TMC7: variants seen among roughly 807,000 people sequenced by gnomAD.
The protein encoded by TMC7 is transmembrane channel like 7, also known as transmembrane channel-like protein 7.
Under a neutral mutation model 82.9 loss-of-function variants are expected in TMC7, and 54 were observed. That is an observed-to-expected ratio of 0.65 (90% confidence interval 0.52 to 0.82). The LOEUF (loss-of-function observed/expected upper bound fraction) is 0.82, where lower values mean the gene tolerates loss of function less well. TMC7 is among the 40% of genes least tolerant of loss of function. The probability of loss-of-function intolerance (pLI) is 0.00; values close to 1 mark genes in which losing one functional copy is unlikely to be tolerated. For synonymous variants in TMC7, 350 were observed against 337.9 expected (o/e 1.04, Z -0.39); for missense variants, 820 against 901.2 (o/e 0.91, Z 1.15).
intron 11 of TMC7, among the ~76,000 whole-genome samples, chr16:19,046,312 T>C (rs1350745260): frequency 6.6e-6 from 1 of 152,166 alleles, no homozygotes; most frequent in Non-Finnish European, 1.5e-5. Flanking sequence ...GGGATAGTAG[T>C]AGTACCCACC....
At chr16:19,039,239 C>T (rs1030378149) in intron 8 of TMC7, among the ~76,000 whole-genome samples, 1 of 151,860 alleles carries the variant, frequency 6.6e-6, no homozygotes, top group African/African-American at 2.4e-5. Flanking sequence ...TACAGGCACC[C>T]GCCAACACAC....
At position 19,013,469 on chromosome 16, in the gene TMC7, G is replaced by A. The variant is rs554320400; in HGVS notation, c.312-2981G>A. Among the ~76,000 whole-genome samples, 159 of 152,110 alleles carry A rather than the reference G, an allele frequency of 1.0e-3. 1 individual carries two copies. Among genetic ancestry groups the A allele is most frequent in the Non-Finnish European group, 2.0e-3 (136 of 68,006 alleles). On this transcript the variant is annotated intron_variant, in intron 2 of 15. Coordinates refer to ENST00000304381, the MANE Select transcript of TMC7 (RefSeq NM_024847.4). Reference sequence around the variant, plus strand: ...CGACCTCAGGTGATCCGCCTGCCTCGGCCTCCCAAAGTCCTGGGATTACAG... The same window carrying A: ...CGACCTCAGGTGATCCGCCTGCCTCAGCCTCCCAAAGTCCTGGGATTACAG...
At chr16:19,018,346 C>G (rs1567512300) in intron 3 of TMC7, among the ~76,000 whole-genome samples, 1 of 152,164 alleles carries the variant, frequency 6.6e-6, no homozygotes, top group Non-Finnish European at 1.5e-5. Flanking sequence ...GCTTAAAAAA[C>G]AGAAACTTTT....
In TMC7 at chr16:19,021,407, G is replaced by A. The variant is rs190521931; in HGVS notation, c.461-222G>A. Among the ~76,000 whole-genome samples the A allele has an allele frequency of 2.7e-4, 41 of 152,314 alleles. No homozygotes were observed. In the East Asian group the frequency reaches 6.4e-3, roughly 24 times the overall value. On this transcript the variant is annotated intron_variant, in intron 3 of 15. Coordinates refer to ENST00000304381, the MANE Select transcript of TMC7 (RefSeq NM_024847.4). ...ATAAATATTGAGCCCTCCCTCATAC[G>A]ATTCTCAAGTGATTAATTCAAGATT...
chr16:19,002,473 G>A (rs1044020924), intron 1 of TMC7, among the ~76,000 whole-genome samples: 1 of 151,920 alleles, frequency 6.6e-6, no homozygotes, highest in Non-Finnish European at 1.5e-5. Flanking sequence ...CTGACCTCAG[G>A]TAATCCACCC....
intron 2 of TMC7, among the ~76,000 whole-genome samples, chr16:19,011,496 C>G (rs1439021634): frequency 7.5e-6 from 1 of 132,630 alleles, no homozygotes; most frequent in Non-Finnish European, 1.6e-5. Context: ...TAGCAAGACC[C>G]TGTCTTTACA....
chr16:19,016,598 G>T lies in TMC7; in HGVS notation c.460G>T (p.Gly154Trp). 1 of 1,613,094 alleles carries T rather than the reference G, an allele frequency of 6.2e-7. No homozygotes were observed. Among genetic ancestry groups the T allele is most frequent in the Non-Finnish European group, 8.5e-7 (1 of 1,179,878 alleles). Residue 154 changes from glycine to tryptophan, a missense_variant and splice_region_variant, in exon 3 of 16, where the codon GGG becomes TGG. By Grantham distance (184) the Gly-to-Trp change is radical (BLOSUM62 -2). This residue lies in a region of TMC7 where 650 missense variants were observed against 669.9 expected (regional missense o/e 0.97). Coordinates refer to ENST00000304381, the MANE Select transcript of TMC7 (RefSeq NM_024847.4). ...LWREDIRSIEGKFGTGIQSYF... is the reference protein window; with the variant it reads ...LWREDIRSIEWKFGTGIQSYF... ...GCGGGAGGACATCCGCAGCATAGAA[G>T]GTATGCTGTCCTCACCTCTCTGCAG...
intron 1 of TMC7, among the ~76,000 whole-genome samples, chr16:18,999,338 T>G (rs529205650): frequency 4.8e-4 from 73 of 152,318 alleles, no homozygotes; most frequent in Non-Finnish European, 6.5e-4. Context: ...ATGTGGCCAG[T>G]GGCCACTGTA....
Position 19,040,315 on chromosome 16 carries a change from G to A in TMC7, c.1206G>A (p.Glu402=), listed in dbSNP as rs529696735. ...AAATCGACAAGATGGTTTTTGGAGA[G>A]AACCTCTTCATATTGTATCTACCGT... ...KKEIDKMVFG[E]NLFILYLPSI... The change falls in exon 9 of 16, where the codon GAG becomes GAA. Residue 402 remains glutamate (E), a synonymous_variant. Coordinates refer to ENST00000304381, the MANE Select transcript of TMC7 (RefSeq NM_024847.4). 3 of 1,613,570 alleles carry A rather than the reference G, an allele frequency of 1.9e-6. No individual in the cohort carries two copies. The East Asian group carries it at 6.7e-5, about 36-fold the overall frequency.
rs1961924916 is a variant in TMC7, at chr16:19,059,750, G to C, written c.2106+256G>C. On this transcript the variant is annotated intron_variant, in intron 15 of 15. Coordinates refer to ENST00000304381, the MANE Select transcript of TMC7 (RefSeq NM_024847.4). Reference sequence around the variant, plus strand: ...CAGCACTTTTGGGAGGCCGAGGCAGGCAGATTACTTGAGCTCAGGAGTTCA... The same window carrying C: ...CAGCACTTTTGGGAGGCCGAGGCAGCCAGATTACTTGAGCTCAGGAGTTCA... The C allele has an allele frequency of 2.2e-6, 3 of 1,378,788 alleles. No individual in the cohort carries two copies. The East Asian group carries it at 7.5e-5, about 35-fold the overall frequency. The allele number at this position is 1,378,788 out of a possible 1,614,324, so 85.4% of individuals were successfully genotyped here. A position where few individuals can be genotyped will look rare whatever the true frequency, so the allele number is the denominator to read the frequency against.
chr16:18,992,043 G>A (rs1478676802), intron 1 of TMC7, among the ~76,000 whole-genome samples: 1 of 152,156 alleles, frequency 6.6e-6, no homozygotes, highest in African/African-American at 2.4e-5. Context: ...CGTGAATAGT[G>A]CCACGATAAA....
intron 2 of TMC7, among the ~76,000 whole-genome samples, chr16:19,015,367 T>C (rs1596744890): frequency 6.6e-6 from 1 of 151,738 alleles, no homozygotes; most frequent in South Asian, 2.1e-4. Context: ...GCTCAAGCAA[T>C]CCTCCTGCCT....
chr16:18,985,410 C>T (rs535652141), intron 1 of TMC7, among the ~76,000 whole-genome samples: 10 of 152,122 alleles, frequency 6.6e-5, no homozygotes, highest in South Asian at 4.1e-4. Context: ...GGATTCAATG[C>T]GAATTATTTT....
intron 1 of TMC7, among the ~76,000 whole-genome samples, chr16:19,004,978 A>T (rs1419203222): frequency 2.0e-5 from 3 of 151,966 alleles, no homozygotes; most frequent in African/African-American, 7.2e-5. Flanking sequence ...AGCTGAGACC[A>T]CACCAGCACA....
intron 1 of TMC7, among the ~76,000 whole-genome samples, chr16:18,998,779 C>A (rs2039091041): frequency 6.6e-6 from 1 of 151,282 alleles, no homozygotes. Flanking sequence ...AAAGCAGGGG[C>A]TTGAGGGCTT....
rs768038732 is a variant in TMC7 at position 18,984,161 on chromosome 16, G to C, written c.67+31G>C. 26 of 1,482,312 alleles carry C rather than the reference G, an allele frequency of 1.8e-5. No homozygotes were observed. In the South Asian group the frequency reaches 3.2e-4, roughly 18 times the overall value. 91.8% of individuals were successfully genotyped at this position (1,482,312 alleles called of 1,614,324 possible). ...GCGGCAGGGAGCGCGCGCGGGGACGGTGCCCCTGGGGTCCGAGGGCGCACG... is the reference window on the plus strand; with the variant it reads ...GCGGCAGGGAGCGCGCGCGGGGACGCTGCCCCTGGGGTCCGAGGGCGCACG... On this transcript the variant is annotated intron_variant, in intron 1 of 15. Transcript: ENST00000304381.
rs1960911993 is a variant in TMC7 at position 19,039,485 on chromosome 16, C to T, written c.1180-804C>T. On this transcript the variant is annotated intron_variant, in intron 8 of 15. Transcript: ENST00000304381. The stretch of plus-strand genomic sequence containing the variant: ...TGAAGGGGCTAAGGAGGGCACATTT[C>T]TTCCTTTAAAGGGCATAACCTGTGG... Among the ~76,000 whole-genome samples the T allele has an allele frequency of 1.3e-5, 2 of 152,142 alleles. 1 individual carries two copies. The highest frequency in any genetic ancestry group is 4.1e-4 in the South Asian group (2 of 4,830).
intron 13 of TMC7, 21 bp downstream of exon 13, chr16:19,051,837 T>C (rs1177890248): frequency 6.2e-7 from 1 of 1,613,444 alleles, no homozygotes; most frequent in Admixed American, 1.7e-5. Context: ...CTTTGTTTTC[T>C]AGAACATTTC....
rs540413590 is a variant in TMC7 at position 19,058,612 on chromosome 16, G to A, written c.2028-804G>A. 1.1e-4 allele frequency among the ~76,000 whole-genome samples: 17 copies of A among 152,280 alleles called. No individual in the cohort carries two copies. The East Asian group carries it at 2.7e-3, about 24-fold the overall frequency. On this transcript the variant is annotated intron_variant, in intron 14 of 15. Coordinates refer to ENST00000304381, the MANE Select transcript of TMC7 (RefSeq NM_024847.4). ...ACATCTGCAAATTTTAATATTAAAAGTAAAAAGCAAGGCATAAGTCAGATT... is the reference window on the plus strand; with the variant it reads ...ACATCTGCAAATTTTAATATTAAAAATAAAAAGCAAGGCATAAGTCAGATT...
Sources: allele counts gnomAD v4.1 joint callset (sites outside exome capture counted in the v4.1 genomes callset), GRCh38; gene constraint gnomAD v4.1.1; regional missense constraint gnomAD v4.1.1; transcripts MANE v1.5; gene names NCBI Gene and HGNC (gene_info 2026-07-23, HGNC 2026-07-21).